The following DOCK6 variants were observed in gnomAD, a reference collection of about 807,000 sequenced individuals.
The protein encoded by DOCK6 is dedicator of cytokinesis protein 6.
A neutral mutation model predicts 230.3 loss-of-function variants in DOCK6; 167 were observed. The ratio of observed to expected loss-of-function variants is 0.73; its 90% CI spans 0.64 to 0.82. The LOEUF (loss-of-function observed/expected upper bound fraction) is 0.82. Ranked by LOEUF, DOCK6 falls within the 40% of genes least tolerant of loss-of-function variation. The pLI, the probability that DOCK6 is intolerant of heterozygous loss-of-function variation, is 0.00. For synonymous variants in DOCK6, 1,148 were observed against 1,185.0 expected, an observed-to-expected ratio of 0.97 and a Z score of 0.64; for missense variants, 2,598 against 2,825.8, an observed-to-expected ratio of 0.92 and a Z score of 1.83.
At position 11,200,980 on chromosome 19, in the gene DOCK6, C is replaced by T. The variant is rs924103184; in HGVS notation, c.5761G>A (p.Glu1921Lys). Residue 1921 changes from glutamate (E) to lysine (K), a missense_variant, in exon 45 of 48, where the codon GAG becomes AAG. Physicochemically the swap from Glu to Lys is moderately conservative, Grantham distance 56. Coordinates refer to ENST00000294618, the MANE Select transcript of DOCK6 (RefSeq NM_020812.4). This position sits in a 1 kb window ranked among gnomAD's most constrained non-coding sequence, Gnocchi z 4.3. Reference sequence around the variant, plus strand: ...ATCTTAGCATCTGGTGGGTCCTGCTCGGTGGCAAAGGCCAGCTCCCGTGTC... The same window carrying T: ...ATCTTAGCATCTGGTGGGTCCTGCTTGGTGGCAAAGGCCAGCTCCCGTGTC... ...KKTRELAFAT[E>K]QDPPDAKMLQ... 25 of 1,613,794 alleles carry T rather than the reference C, an allele frequency of 1.5e-5. No homozygotes were observed. The highest frequency in any genetic ancestry group is 5.3e-5 in the African/African-American group (4 of 74,878).
chr19:11,232,851 C>T (rs1245135148), intron 22 of DOCK6, among the ~76,000 whole-genome samples: 1 of 151,074 alleles, frequency 6.6e-6, no homozygotes, highest in East Asian at 2.0e-4. Context: ...TGTGTATATG[C>T]ACCTGTGTAT....
chr19:11,225,560 C>T (rs957879724), intron 24 of DOCK6, among the ~76,000 whole-genome samples: 8 of 152,064 alleles, frequency 5.3e-5, no homozygotes, highest in African/African-American at 9.7e-5. Context: ...GGTATGGTAG[C>T]ACGCACCTGT....
chr19:11,242,964 C>T, intron 13 of DOCK6, 95 bp downstream of exon 13: 4 of 1,437,492 alleles, frequency 2.8e-6, no homozygotes, highest in South Asian at 1.1e-5. Context: ...ATCGTTGGGT[C>T]TCTGATGCCC....
chr19:11,221,897 C>T lies in DOCK6; in HGVS notation c.3504G>A (p.Leu1168=). The stretch of plus-strand genomic sequence containing the variant: ...GCAAGGTATCCCGTGCAATCGATAG[C>T]AGTGGCAGGTACAGCTCGGCCACAC... ...KARVAELYLP[L]LSIARDTLPR... is the part of the protein sequence containing the mutation. Residue 1168 remains leucine, a synonymous_variant, in exon 28 of 48, where the codon CTG becomes CTA. Coordinates refer to ENST00000294618, the MANE Select transcript of DOCK6 (RefSeq NM_020812.4). The T allele has an allele frequency of 8.7e-6, 14 of 1,613,450 alleles. No homozygotes were observed. The highest frequency in any genetic ancestry group is 1.2e-5 in the Non-Finnish European group (14 of 1,179,888).
At chr19:11,214,736 G>T in intron 32 of DOCK6, 87 bp from the exon 33 acceptor site, 1 of 1,259,144 alleles carries the variant, frequency 7.9e-7, no homozygotes, top group South Asian at 1.3e-5. Context: ...GGCAGCCCAG[G>T]GGGCACTGGC....
intron 1 of DOCK6, among the ~76,000 whole-genome samples, chr19:11,255,750 T>A (rs531360882): frequency 3.3e-5 from 5 of 152,138 alleles, no homozygotes; most frequent in African/African-American, 4.8e-5. Context: ...CAGGGCTTAC[T>A]CCCTTCTGCT....
chr19:11,202,380 G>T lies in DOCK6; in HGVS notation c.5451+14C>A, dbSNP rs1261299206. Reference sequence around the variant, plus strand: ...GTGAATCTAAGATTTTGGGGAAATGGTTGGGGGACCCACCTTTTGTGAGTC... The same window carrying T: ...GTGAATCTAAGATTTTGGGGAAATGTTTGGGGGACCCACCTTTTGTGAGTC... On this transcript the variant is annotated intron_variant, in intron 43 of 47. Coordinates refer to ENST00000294618, the MANE Select transcript of DOCK6 (RefSeq NM_020812.4). The surrounding 1 kb of genome is among the most constrained non-coding windows in gnomAD (Gnocchi z 5.3). 6.2e-7 allele frequency: 1 copy of T among 1,612,520 alleles called. No individual in the cohort carries two copies. The highest frequency in any genetic ancestry group is 8.5e-7 in the Non-Finnish European group (1 of 1,179,238).
chr19:11,225,538 C>A (rs879256682), intron 24 of DOCK6, among the ~76,000 whole-genome samples: 5 of 151,332 alleles, frequency 3.3e-5, no homozygotes, highest in South Asian at 2.1e-4. Flanking sequence ...CACACACACA[C>A]AAAAATAGGT....
chr19:11,227,500 G>A (rs2079686458), intron 23 of DOCK6, 23 bp from the exon 24 acceptor site: 2 of 1,551,528 alleles, frequency 1.3e-6, no homozygotes, highest in Non-Finnish European at 1.7e-6. Context: ...TGAGAGGGCT[G>A]TGGGTGGGAT....
chr19:11,243,371 A>G lies in DOCK6; in HGVS notation c.1273T>C (p.Trp425Arg), dbSNP rs1451202688. The G allele has an allele frequency of 1.9e-6, 3 of 1,602,180 alleles. No individual in the cohort carries two copies. The highest frequency in any genetic ancestry group is 2.6e-6 in the Non-Finnish European group (3 of 1,175,032). The change falls in exon 12 of 48, where the codon TGG becomes CGG. Residue 425 changes from tryptophan to arginine, a missense_variant. Transcript: ENST00000294618. This position sits in a 1 kb window ranked among gnomAD's most constrained non-coding sequence, Gnocchi z 6.3. ...SDSEGERRPA[W>R]TDRRRRGPQD... ...GGCCCCCGACGGCGGCGGTCTGTCCAGGCTGGCCGGCGCTCTAGGGGAGGG... is the reference window on the plus strand; with the variant it reads ...GGCCCCCGACGGCGGCGGTCTGTCCGGGCTGGCCGGCGCTCTAGGGGAGGG...
intron 35 of DOCK6, 56 bp downstream of exon 35, chr19:11,213,120 C>A: frequency 6.3e-7 from 1 of 1,575,656 alleles, no homozygotes; most frequent in Non-Finnish European, 8.6e-7. Context: ...GTTGAGACCC[C>A]ACTGGCCACC....
chr19:11,238,162 C>G lies in DOCK6; in HGVS notation c.1761+25G>C, dbSNP rs376261750. The G allele has an allele frequency of 3.2e-5, 51 of 1,613,772 alleles. No homozygotes were observed. The South Asian group carries it at 3.6e-4, about 11-fold the overall frequency. Reference sequence around the variant, plus strand: ...GGACCCATGGGGGATGCCCTACCCCCCTTCCCTGGGGCACAGCCACTGACC... The same window carrying G: ...GGACCCATGGGGGATGCCCTACCCCGCTTCCCTGGGGCACAGCCACTGACC... On this transcript the variant is annotated intron_variant, in intron 15 of 47. Coordinates refer to ENST00000294618, the MANE Select transcript of DOCK6 (RefSeq NM_020812.4).
intron 9 of DOCK6, among the ~76,000 whole-genome samples, chr19:11,244,815 A>G (rs985094348): frequency 6.6e-6 from 1 of 151,734 alleles, no homozygotes; most frequent in Non-Finnish European, 1.5e-5. Flanking sequence ...GTTGGTCTCA[A>G]ACTCCTGGGC....
chr19:11,260,320 CCT>C (rs2080264807), intron 1 of DOCK6, among the ~76,000 whole-genome samples: 1 of 152,124 alleles, frequency 6.6e-6, no homozygotes, highest in Non-Finnish European at 1.5e-5. Context: ...ATGGCTCACG[CCT>C]GTAATCCCAG....
chr19:11,200,996 C>G lies in DOCK6; in HGVS notation c.5745G>C (p.Glu1915Asp), dbSNP rs2079159956. 6.2e-7 allele frequency: 1 copy of G among 1,613,842 alleles called. No homozygotes were observed. The highest frequency in any genetic ancestry group is 8.5e-7 in the Non-Finnish European group (1 of 1,179,886). Residue 1915 changes from glutamate (E) to aspartate (D), a missense_variant, in exon 45 of 48, where the codon GAG becomes GAC. Glu to Asp is a conservative substitution (Grantham distance 45). Coordinates refer to ENST00000294618, the MANE Select transcript of DOCK6 (RefSeq NM_020812.4). This position sits in a 1 kb window ranked among gnomAD's most constrained non-coding sequence, Gnocchi z 4.3. The stretch of plus-strand genomic sequence containing the variant: ...GGTCCTGCTCGGTGGCAAAGGCCAG[C>G]TCCCGTGTCTTCTTCTGCATGTCCT... ...AIEDMQKKTR[E>D]LAFATEQDPP...
intron 13 of DOCK6, 104 bp downstream of exon 13, chr19:11,242,955 T>C: frequency 7.7e-7 from 1 of 1,305,066 alleles, no homozygotes; most frequent in Admixed American, 1.7e-5. Flanking sequence ...ATCATGGTCA[T>C]CGTTGGGTCT....
At chr19:11,215,263 A>G in intron 32 of DOCK6, 124 bp downstream of exon 32, 1 of 845,756 alleles carries the variant, frequency 1.2e-6, no homozygotes, top group Non-Finnish European at 1.8e-6. Flanking sequence ...TAATTTTTAA[A>G]TTTTTGGTAG....
At position 11,222,222 on chromosome 19, in the gene DOCK6, C is replaced by T. The variant is rs567514358; in HGVS notation, c.3267G>A (p.Pro1089=). 1.4e-5 allele frequency: 23 copies of T among 1,603,208 alleles called. No individual in the cohort carries two copies. Among genetic ancestry groups the T allele is most frequent in the African/African-American group, 5.3e-5 (4 of 74,812 alleles). The change falls in exon 27 of 48, where the codon CCG becomes CCA. Residue 1089 remains proline, a synonymous_variant. Transcript: ENST00000294618. This position sits in a 1 kb window ranked among gnomAD's most constrained non-coding sequence, Gnocchi z 4.0. ...SQSSTFSSQA[P]DPKVTSMFEL... ...CGAACATGCTGGTCACCTTGGGGTCCGGGGCTTGGCTGGAGAAGGTGGAGC... is the reference window on the plus strand; with the variant it reads ...CGAACATGCTGGTCACCTTGGGGTCTGGGGCTTGGCTGGAGAAGGTGGAGC...
chr19:11,214,160 A>C (rs1023027641), intron 34 of DOCK6, 115 bp downstream of exon 34: 160 of 1,410,044 alleles, frequency 1.1e-4, no homozygotes, highest in South Asian at 2.1e-4. Context: ...CCTGGCCTCA[A>C]GCGATCCTCC....
Sources: allele counts gnomAD v4.1 joint callset (sites outside exome capture counted in the v4.1 genomes callset), GRCh38; gene constraint gnomAD v4.1.1; non-coding constraint Gnocchi (gnomAD v3.1); transcripts MANE v1.5; gene names NCBI Gene and HGNC (gene_info 2026-07-23, HGNC 2026-07-21).